The following CDH13 variants were observed in gnomAD, a reference collection of about 807,000 sequenced individuals.
CDH13 encodes cadherin 13.
In CDH13, 24 loss-of-function variants were observed where a neutral mutation model predicts 63.8. That is an observed-to-expected ratio of 0.38 (90% CI 0.27 to 0.53). The LOEUF is 0.53. Ranked by LOEUF, CDH13 falls within the 20% of genes least tolerant of loss-of-function variation. The probability of loss-of-function intolerance (pLI) is 0.85; values close to 1 mark genes in which losing one functional copy is unlikely to be tolerated. For synonymous variants in CDH13, 503 were observed against 355.3 expected, an observed-to-expected ratio of 1.42 and a Z score of -4.67; for missense variants, 1,049 against 903.1, an observed-to-expected ratio of 1.16 and a Z score of -2.07.
intron 5 of CDH13, among the ~76,000 whole-genome samples, chr16:83,281,575 C>G (rs2089176479): frequency 6.6e-6 from 1 of 152,164 alleles, no homozygotes; most frequent in Admixed American, 6.5e-5. Flanking sequence ...AGAGGTCTGG[C>G]TTTCAGCTAT....
chr16:83,414,505 G>A (rs2092171856), intron 6 of CDH13, among the ~76,000 whole-genome samples: 1 of 152,060 alleles, frequency 6.6e-6, no homozygotes. Flanking sequence ...GCATTGTATG[G>A]CAGATTGCTA....
At chr16:83,588,065 G>A (rs1906346094) in intron 7 of CDH13, among the ~76,000 whole-genome samples, 1 of 152,106 alleles carries the variant, frequency 6.6e-6, no homozygotes, top group Non-Finnish European at 1.5e-5. Flanking sequence ...CTGGCCTAGG[G>A]CTGAGCCTGG....
chr16:83,234,556 A>T (rs548089140), intron 5 of CDH13, among the ~76,000 whole-genome samples: 8 of 152,176 alleles, frequency 5.3e-5, no homozygotes, highest in Non-Finnish European at 1.2e-4. Context: ...AAACAACAAC[A>T]GCTAGGCTTG....
intron 4 of CDH13, among the ~76,000 whole-genome samples, chr16:83,153,014 T>A (rs1218332489): frequency 6.6e-6 from 1 of 152,156 alleles, no homozygotes; most frequent in Non-Finnish European, 1.5e-5. Flanking sequence ...AACCGCTTAG[T>A]GGGTTCACCT....
chr16:82,705,407 C>T (rs1054357812), intron 1 of CDH13: 1 of 257,300 alleles, frequency 3.9e-6, no homozygotes. Context: ...ACACAATCGC[C>T]TCTAGTGGTC....
intron 7 of CDH13, among the ~76,000 whole-genome samples, chr16:83,577,432 G>C (rs1905163145): frequency 1.3e-5 from 2 of 152,158 alleles, no homozygotes; most frequent in Admixed American, 1.3e-4. Context: ...AGCTCTCTGG[G>C]GATGTCTGAG....
chr16:82,703,454 G>A (rs1361134538), intron 1 of CDH13, among the ~76,000 whole-genome samples: 3 of 152,100 alleles, frequency 2.0e-5, no homozygotes, highest in Admixed American at 1.3e-4. Context: ...ACAGATGGAG[G>A]ATAAATTTCC....
At chr16:82,983,931 C>A (rs1036293249) in intron 2 of CDH13, among the ~76,000 whole-genome samples, 2 of 152,174 alleles carry the variant, frequency 1.3e-5, no homozygotes, top group African/African-American at 4.8e-5. Context: ...AGGGCTTTTC[C>A]TGAAGACACC....
chr16:83,435,640 G>T (rs1360800802), intron 6 of CDH13, among the ~76,000 whole-genome samples: 1 of 152,150 alleles, frequency 6.6e-6, no homozygotes, highest in Non-Finnish European at 1.5e-5. Flanking sequence ...TGTCTGAGTT[G>T]CTTTTCCCTG....
chr16:83,441,671 C>T (rs953746779), intron 6 of CDH13, among the ~76,000 whole-genome samples: 1 of 152,110 alleles, frequency 6.6e-6, no homozygotes, highest in Admixed American at 6.6e-5. Context: ...CAGCTGCCAC[C>T]AAGATGTCAG....
At chr16:83,211,933 A>G (rs2039350947) in intron 4 of CDH13, among the ~76,000 whole-genome samples, 1 of 152,158 alleles carries the variant, frequency 6.6e-6, no homozygotes, top group Non-Finnish European at 1.5e-5. Flanking sequence ...TCCCACTGTG[A>G]AAAGAAGTGT....
chr16:82,905,432 CGTGTGT>C (rs140795057), intron 2 of CDH13, among the ~76,000 whole-genome samples: 26,261 of 143,508 alleles, frequency 0.18, 3,521 homozygotes, highest in East Asian at 0.66. Context: ...ATGAATCACA[CGTGTGT>C]GTGTGTGTGT....
rs1156777169 is a variant in CDH13, at chr16:83,780,031, C to G, written c.1745C>G (p.Ala582Gly). 6.2e-7 allele frequency: 1 copy of G among 1,613,810 alleles called. No individual in the cohort carries two copies. Among genetic ancestry groups the G allele is most frequent in the African/African-American group, 1.3e-5 (1 of 74,902 alleles). Residue 582 changes from alanine (A) to glycine (G), a missense_variant, in exon 12 of 14, where the codon GCC becomes GGC. Transcript: ENST00000567109. ...LITLEDVNDNAPFIYPTVAEV... is the reference protein window; with the variant it reads ...LITLEDVNDNGPFIYPTVAEV... ...ACCCTGGAGGACGTGAATGACAATG[C>G]CCCGTTCATTTACCCCACAGTAGCT... is the stretch of plus-strand genomic sequence containing the variant.
At chr16:83,105,853 G>A (rs1310662607) in intron 3 of CDH13, among the ~76,000 whole-genome samples, 1 of 152,192 alleles carries the variant, frequency 6.6e-6, no homozygotes, top group Non-Finnish European at 1.5e-5. Flanking sequence ...GTGAAGACCA[G>A]GAGGGAGAAA....
At chr16:82,780,965 C>T (rs1281741972) in intron 1 of CDH13, among the ~76,000 whole-genome samples, 2 of 152,220 alleles carry the variant, frequency 1.3e-5, no homozygotes, top group Admixed American at 6.5e-5. Context: ...GACTTTGAAT[C>T]AGGGTCACAT....
intron 5 of CDH13, among the ~76,000 whole-genome samples, chr16:83,267,223 C>T (rs1907731326): frequency 1.3e-5 from 2 of 152,160 alleles, no homozygotes; most frequent in Admixed American, 6.5e-5. Flanking sequence ...TTTCACAAAA[C>T]ACAAAGGCTG....
intron 1 of CDH13, among the ~76,000 whole-genome samples, chr16:82,808,282 C>G (rs2037258492): frequency 6.6e-6 from 1 of 152,072 alleles, no homozygotes; most frequent in Non-Finnish European, 1.5e-5. Flanking sequence ...AATAATGGAG[C>G]TCATTGTCTA....
chr16:83,739,824 T>A (rs185500646), intron 10 of CDH13: 2 of 152,154 alleles, frequency 1.3e-5, no homozygotes, highest in African/African-American at 4.8e-5. Context: ...AACAACTGAG[T>A]ACCTACCCAC....
chr16:82,777,023 G>C (rs1442106230), intron 1 of CDH13, among the ~76,000 whole-genome samples: 10 of 152,184 alleles, frequency 6.6e-5, no homozygotes, highest in Non-Finnish European at 1.2e-4. Flanking sequence ...ATAGTTTCCT[G>C]CAGCCTTGAA....
Sources: allele counts gnomAD v4.1 joint callset (sites outside exome capture counted in the v4.1 genomes callset), GRCh38; gene constraint gnomAD v4.1.1; transcripts MANE v1.5; gene names NCBI Gene and HGNC (gene_info 2026-07-23, HGNC 2026-07-21).